The following STXBP4 variants were observed in gnomAD, a reference collection of about 807,000 sequenced individuals.
STXBP4 encodes the protein syntaxin binding protein 4.
A neutral mutation model predicts 76.1 loss-of-function variants in STXBP4; 55 were observed. The ratio of observed to expected loss-of-function variants is 0.72; its 90% confidence interval spans 0.58 to 0.91. The LOEUF is 0.91. Ranked by LOEUF, STXBP4 falls within the 40% of genes least tolerant of loss-of-function variation. The pLI, the probability that STXBP4 is intolerant of heterozygous loss-of-function variation, is 0.00. For missense variants in STXBP4, 618 were observed against 636.9 expected, an observed-to-expected ratio of 0.97 and a Z score of 0.32; for synonymous variants, 201 against 220.2, an observed-to-expected ratio of 0.91 and a Z score of 0.77.
At position 55,172,220 on chromosome 17, in the gene STXBP4, T is replaced by G. The variant is rs994051789; in HGVS notation, c.*12309T>G. On this transcript the variant is annotated 3_prime_UTR_variant, in exon 18 of 18. Coordinates refer to ENST00000376352, the MANE Select transcript of STXBP4 (RefSeq NM_178509.6). ...TGGGCGATGACCAGGTCTGGTATAT[T>G]AAGAGGCTCTTGGTAGCACATTAGA... The G allele has an allele frequency of 3.3e-5, 5 of 152,192 alleles. No homozygotes were observed. The highest frequency in any genetic ancestry group is 7.3e-5 in the Non-Finnish European group (5 of 68,050). The allele number at this position is 152,192 out of a possible 1,614,324, so 9.4% of individuals were successfully genotyped here.
At chr17:55,020,160 C>G (rs1271748300) in intron 8 of STXBP4, among the ~76,000 whole-genome samples, 1 of 152,104 alleles carries the variant, frequency 6.6e-6, no homozygotes, top group Non-Finnish European at 1.5e-5. Context: ...ATTAGACAGA[C>G]TCGCTCATCT....
At chr17:55,139,988 G>A (rs1169143701) in intron 16 of STXBP4, among the ~76,000 whole-genome samples, 2 of 152,122 alleles carry the variant, frequency 1.3e-5, no homozygotes, top group African/African-American at 4.8e-5. Flanking sequence ...TGGCGATAGA[G>A]TAAGGTTTTA....
the STXBP4 span, among the ~76,000 whole-genome samples, chr17:55,197,060 C>T: frequency 2.0e-5 from 3 of 152,214 alleles, no homozygotes; most frequent in Admixed American, 2.0e-4. Context: ...GTCGTTCTTA[C>T]ATCTGGCTGC....
At chr17:55,048,242 A>G (rs1281875424) in intron 12 of STXBP4, among the ~76,000 whole-genome samples, 1 of 151,868 alleles carries the variant, frequency 6.6e-6, no homozygotes, top group Non-Finnish European at 1.5e-5. Context: ...AAGAAGGGAA[A>G]ATTAAGGAGC....
At chr17:55,159,593 T>G in intron 17 of STXBP4, among the ~76,000 whole-genome samples, 1 of 152,234 alleles carries the variant, frequency 6.6e-6, no homozygotes, top group Non-Finnish European at 1.5e-5. Context: ...GCATTCCTTT[T>G]TAACCAAAGA....
chr17:55,028,038 T>A (rs2078445244), intron 8 of STXBP4, among the ~76,000 whole-genome samples: 1 of 152,176 alleles, frequency 6.6e-6, no homozygotes, highest in Non-Finnish European at 1.5e-5. Context: ...GGTTTTTATA[T>A]GTTTTGGTTA....
the STXBP4 span, among the ~76,000 whole-genome samples, chr17:55,194,469 C>G: frequency 1.3e-5 from 2 of 152,154 alleles, no homozygotes; most frequent in Non-Finnish European, 2.9e-5. Context: ...TCCCCCATCC[C>G]GCATTGCTGC....
chr17:55,006,863 A>T (rs554721491), intron 7 of STXBP4, among the ~76,000 whole-genome samples: 59 of 152,282 alleles, frequency 3.9e-4, no homozygotes, highest in Middle Eastern at 3.4e-3. Flanking sequence ...AAAAATACCA[A>T]CATCTTTGAA....
chr17:54,984,678 G>A (rs921304355), intron 1 of STXBP4, among the ~76,000 whole-genome samples: 1 of 152,002 alleles, frequency 6.6e-6, no homozygotes, highest in African/African-American at 2.4e-5. Context: ...TGTTCCTCCT[G>A]CACCTGTTTC....
chr17:55,188,978 T>C, the STXBP4 span, among the ~76,000 whole-genome samples: 1 of 152,072 alleles, frequency 6.6e-6, no homozygotes, highest in African/African-American at 2.4e-5. Flanking sequence ...ACCTGTTCAT[T>C]CTCCTCATCT....
At chr17:55,061,624 T>C (rs557791379) in intron 12 of STXBP4, among the ~76,000 whole-genome samples, 11 of 152,312 alleles carry the variant, frequency 7.2e-5, no homozygotes, top group Middle Eastern at 3.4e-3. Flanking sequence ...ATTCTTTTAT[T>C]GCCACAGCCA....
intron 16 of STXBP4, among the ~76,000 whole-genome samples, chr17:55,095,808 TCA>T (rs2079477485): frequency 6.6e-6 from 1 of 152,156 alleles, no homozygotes; most frequent in Non-Finnish European, 1.5e-5. Context: ...TTTACTTAAG[TCA>T]CAAGTTTGGA....
chr17:55,187,843 G>A, the STXBP4 span, among the ~76,000 whole-genome samples: 4 of 152,324 alleles, frequency 2.6e-5, no homozygotes, highest in Admixed American at 6.5e-5. Context: ...CTTTAGGGCA[G>A]GCAGACATAA....
At chr17:55,129,981 A>G (rs1193109218) in intron 16 of STXBP4, among the ~76,000 whole-genome samples, 1 of 152,184 alleles carries the variant, frequency 6.6e-6, no homozygotes, top group Non-Finnish European at 1.5e-5. Flanking sequence ...AAGTCATATT[A>G]GAAATATGTA....
At chr17:55,188,480 A>G in the STXBP4 span, among the ~76,000 whole-genome samples, 3 of 152,230 alleles carry the variant, frequency 2.0e-5, no homozygotes, top group African/African-American at 7.2e-5. Context: ...TCCCTAGAAC[A>G]GTGATACCTG....
At chr17:55,126,017 G>A (rs1469221655) in intron 16 of STXBP4, among the ~76,000 whole-genome samples, 1 of 152,134 alleles carries the variant, frequency 6.6e-6, no homozygotes, top group Admixed American at 6.5e-5. Flanking sequence ...AAGGGGAATG[G>A]GGAGGGAAAC....
chr17:55,095,613 A>C (rs2079475437), intron 16 of STXBP4, among the ~76,000 whole-genome samples: 2 of 152,232 alleles, frequency 1.3e-5, no homozygotes, highest in Non-Finnish European at 2.9e-5. Context: ...CAGAGTATTA[A>C]TATTACTGTT....
rs937481647 is a variant in STXBP4 at position 55,161,967 on chromosome 17, T to C, written c.*2056T>C. On this transcript the variant is annotated 3_prime_UTR_variant, in exon 18 of 18. Transcript: ENST00000376352. ...GAGAACTGCTTAGATTCATTGTCTA[T>C]GGGTACATTTTATAAAAAGGCAGAT... is the stretch of plus-strand genomic sequence containing the variant. 8 of 152,212 alleles carry C rather than the reference T, an allele frequency of 5.3e-5. No homozygotes were observed. Among genetic ancestry groups the C allele is most frequent in the Admixed American group, 3.9e-4 (6 of 15,286 alleles). The allele number at this position is 152,212 out of a possible 1,614,324, so 9.4% of individuals were successfully genotyped here. A position where few individuals can be genotyped will look rare whatever the true frequency, so the allele number is the denominator to read the frequency against.
At chr17:55,212,096 C>T in the STXBP4 span, among the ~76,000 whole-genome samples, 1 of 151,774 alleles carries the variant, frequency 6.6e-6, no homozygotes, top group Non-Finnish European at 1.5e-5. Flanking sequence ...CTGGGATTAC[C>T]GGCATGAGCC....
Sources: gnomAD v4.1 joint callset for allele counts (sites outside exome capture counted in the v4.1 genomes callset) on GRCh38, gnomAD v4.1.1 for gene constraint, MANE v1.5 for transcripts, NCBI Gene and HGNC (gene_info 2026-07-23, HGNC 2026-07-21) for gene names.